Variants in AKAP11 observed in about 807,000 individuals in gnomAD.
The protein encoded by AKAP11 is A-kinase anchoring protein 11.
A neutral mutation model predicts 146.1 loss-of-function variants in AKAP11; 36 were observed. The ratio of observed to expected loss-of-function variants is 0.25; its 90% CI spans 0.19 to 0.33. AKAP11 has a LOEUF of 0.33. AKAP11 is among the 10% of genes least tolerant of loss of function. The pLI is 1.00. For synonymous variants in AKAP11, 780 were observed against 786.5 expected (o/e 0.99, Z 0.14); for missense variants, 2,201 against 2,197.0 (o/e 1.00, Z -0.04).
intron 3 of AKAP11, among the ~76,000 whole-genome samples, chr13:42,289,528 A>T (rs1467086954): frequency 1.3e-5 from 2 of 152,142 alleles, no homozygotes; most frequent in Non-Finnish European, 2.9e-5. Flanking sequence ...GAGCCCCTCC[A>T]AGTAGGTACC....
chr13:42,299,439 T>A lies in AKAP11; in HGVS notation c.693T>A (p.His231Gln), dbSNP rs754992157. 6.2e-7 allele frequency: 1 copy of A among 1,613,896 alleles called. No individual in the cohort carries two copies. Among genetic ancestry groups the A allele is most frequent in the Non-Finnish European group, 8.5e-7 (1 of 1,179,828 alleles). ...QTVTGHHLET[H>Q]DLKILISSGQ... The stretch of plus-strand genomic sequence containing the variant: ...TTACTGGTCATCATTTAGAAACCCA[T>A]GATTTAAAGATTCTCATTAGCTCTG... Residue 231 changes from histidine to glutamine, a missense_variant, in exon 8 of 13, where the codon CAT becomes CAA. Coordinates refer to ENST00000025301, the MANE Select transcript of AKAP11 (RefSeq NM_016248.4).
chr13:42,301,468 A>G lies in AKAP11; in HGVS notation c.2722A>G (p.Thr908Ala), dbSNP rs752134650. Residue 908 changes from threonine to alanine, a missense_variant, in exon 8 of 13, where the codon ACT becomes GCT. By Grantham distance (58) the Thr-to-Ala change is moderately conservative (BLOSUM62 0). Transcript: ENST00000025301. ...KMVDERTDYL[T>A]KSLKEKTPPF... is the part of the protein sequence containing the mutation. Reference sequence around the variant, plus strand: ...GGTTGATGAACGTACAGATTATTTAACTAAATCTTTAAAGGAGAAAACCCC... The same window carrying G: ...GGTTGATGAACGTACAGATTATTTAGCTAAATCTTTAAAGGAGAAAACCCC... 1 of 1,613,386 alleles carries G rather than the reference A, an allele frequency of 6.2e-7. No individual in the cohort carries two copies. The highest frequency in any genetic ancestry group is 1.1e-5 in the South Asian group (1 of 90,814).
intron 4 of AKAP11, among the ~76,000 whole-genome samples, chr13:42,295,060 ATGG>A (rs1348940822): frequency 6.6e-6 from 1 of 152,192 alleles, no homozygotes; most frequent in African/African-American, 2.4e-5. Flanking sequence ...AAGGAAATAA[ATGG>A]TGGTATCACA....
At chr13:42,277,303 T>A in intron 1 of AKAP11, among the ~76,000 whole-genome samples, 1 of 152,236 alleles carries the variant, frequency 6.6e-6, no homozygotes, top group East Asian at 1.9e-4. Flanking sequence ...TTTTTTATTA[T>A]GAAAATGTTA....
Position 42,298,776 on chromosome 13 carries a change from A to G in AKAP11, c.595A>G (p.Thr199Ala), listed in dbSNP as rs1479061120. 1 of 1,580,052 alleles carries G rather than the reference A, an allele frequency of 6.3e-7. No individual in the cohort carries two copies. Among genetic ancestry groups the G allele is most frequent in the Non-Finnish European group, 8.5e-7 (1 of 1,170,398 alleles). Reference protein sequence around the residue: ...TAFEHLEEEETSKPYNDGMNI... With the variant: ...TAFEHLEEEEASKPYNDGMNI... Reference sequence around the variant, plus strand: ...TTTTGAGCACTTAGAAGAGGAAGAGACTTCAAAGCCATACAATGATGGTTT... The same window carrying G: ...TTTTGAGCACTTAGAAGAGGAAGAGGCTTCAAAGCCATACAATGATGGTTT... The change falls in exon 7 of 13, where the codon ACT becomes GCT. Residue 199 changes from threonine (T) to alanine (A), a missense_variant. This residue lies in a region of AKAP11 where 331 missense variants were observed against 347.4 expected (regional missense o/e 0.95). Coordinates refer to ENST00000025301, the MANE Select transcript of AKAP11 (RefSeq NM_016248.4).
At position 42,300,050 on chromosome 13, in the gene AKAP11, G is replaced by C. The variant is rs1239904915; in HGVS notation, c.1304G>C (p.Arg435Pro). The C allele has an allele frequency of 4.3e-6, 7 of 1,613,766 alleles. No individual in the cohort carries two copies. The highest frequency in any genetic ancestry group is 5.1e-6 in the Non-Finnish European group (6 of 1,179,830). Reference protein sequence around the residue: ...GNLCDAPDSPRPVKASREDSG... With the variant: ...GNLCDAPDSPPPVKASREDSG... ...CTGTGTGATGCTCCGGATTCTCCTCGCCCAGTGAAGGCATCAAGGGAAGAT... is the reference window on the plus strand; with the variant it reads ...CTGTGTGATGCTCCGGATTCTCCTCCCCCAGTGAAGGCATCAAGGGAAGAT... Residue 435 changes from arginine (R) to proline (P), a missense_variant, in exon 8 of 13, where the codon CGC becomes CCC. Arg to Pro is a moderately radical substitution (Grantham distance 103). Transcript: ENST00000025301.
At chr13:42,295,363 G>A (rs1171773244) in intron 4 of AKAP11, among the ~76,000 whole-genome samples, 1 of 152,188 alleles carries the variant, frequency 6.6e-6, no homozygotes, top group Non-Finnish European at 1.5e-5. Flanking sequence ...GAATAGGGAG[G>A]TGGCATGGTA....
At position 42,303,145 on chromosome 13, in the gene AKAP11, A is replaced by G; in HGVS notation, c.4399A>G (p.Lys1467Glu). Residue 1467 changes from lysine to glutamate, a missense_variant, in exon 8 of 13, where the codon AAA becomes GAA. Physicochemically the swap from Lys to Glu is moderately conservative, Grantham distance 56 (BLOSUM62 1). Around this residue, in one of 3 missense-constraint regions of AKAP11, gnomAD observed 1,867 missense variants for 1,833.5 expected, o/e 1.02. Coordinates refer to ENST00000025301, the MANE Select transcript of AKAP11 (RefSeq NM_016248.4). ...FSTSLVHSIT[K>E]DAKEELTASL... Reference sequence around the variant, plus strand: ...AACCTCTCTGGTTCACAGCATAACAAAAGATGCTAAGGAAGAGTTGACAGC... The same window carrying G: ...AACCTCTCTGGTTCACAGCATAACAGAAGATGCTAAGGAAGAGTTGACAGC... 1 of 1,614,194 alleles carries G rather than the reference A, an allele frequency of 6.2e-7. No individual in the cohort carries two copies. The highest frequency in any genetic ancestry group is 8.5e-7 in the Non-Finnish European group (1 of 1,180,030).
chr13:42,291,063 T>C (rs1191100934), intron 3 of AKAP11, among the ~76,000 whole-genome samples: 1 of 152,232 alleles, frequency 6.6e-6, no homozygotes, highest in Non-Finnish European at 1.5e-5. Flanking sequence ...CTTTTTATCA[T>C]AAATTCTTTG....
intron 1 of AKAP11, among the ~76,000 whole-genome samples, chr13:42,278,297 T>C (rs1958976303): frequency 1.3e-5 from 2 of 152,228 alleles, no homozygotes; most frequent in Non-Finnish European, 2.9e-5. Context: ...TTGACTGTTG[T>C]TTTGAAAAAC....
In AKAP11 at chr13:42,298,626, G is replaced by A; in HGVS notation, c.445G>A (p.Ala149Thr). ...TATCTTTAGTCTCCTAAGTAAATAT[G>A]CTACTGGTATAAGGTACACCTTGGA... ...DFIFSLLSKYATGIRYTLDTF... is the reference protein window; with the variant it reads ...DFIFSLLSKYTTGIRYTLDTF... The change falls in exon 7 of 13, where the codon GCT becomes ACT. Residue 149 changes from alanine (A) to threonine (T), a missense_variant. By Grantham distance (58) the Ala-to-Thr change is moderately conservative. Coordinates refer to ENST00000025301, the MANE Select transcript of AKAP11 (RefSeq NM_016248.4). The A allele has an allele frequency of 1.2e-6, 2 of 1,612,204 alleles. No individual in the cohort carries two copies. Among genetic ancestry groups the A allele is most frequent in the African/African-American group, 1.3e-5 (1 of 74,902 alleles).
chr13:42,308,634 G>A (rs1331274570), intron 9 of AKAP11, 25 bp downstream of exon 9: 2 of 1,584,504 alleles, frequency 1.3e-6, no homozygotes, highest in Admixed American at 3.4e-5. Flanking sequence ...GCATATAATT[G>A]TGTAGTTTAG....
rs2138746804 is a variant in AKAP11 at position 42,321,299 on chromosome 13, GTT to G, written c.*2073_*2074del. ...TTTGTGTTTGAAAATGTTTATTTCTGTTTATGGTGTAATCATTCTGAGGTGAG... is the reference window on the plus strand; with the variant it reads ...TTTGTGTTTGAAAATGTTTATTTCTGTATGGTGTAATCATTCTGAGGTGAG... On this transcript the variant is annotated 3_prime_UTR_variant, in exon 13 of 13. Transcript: ENST00000025301. The G allele has an allele frequency of 6.6e-6, 1 of 152,370 alleles. No individual in the cohort carries two copies. The highest frequency in any genetic ancestry group is 1.5e-5 in the Non-Finnish European group (1 of 67,990). The allele number at this position is 152,370 out of a possible 1,614,324, so 9.4% of individuals were successfully genotyped here. A position where few individuals can be genotyped will look rare whatever the true frequency, so the allele number is the denominator to read the frequency against.
rs116080843 is a variant in AKAP11 at position 42,277,653 on chromosome 13, G to A, written c.-100+5425G>A. ...GGTAAGTGGCCCTATTTTCTATTTG[G>A]TGATGTTGCTTTTGCCACCAAATGC... is the stretch of plus-strand genomic sequence containing the variant. On this transcript the variant is annotated intron_variant, in intron 1 of 12. Transcript: ENST00000025301. Among the ~76,000 whole-genome samples the A allele has an allele frequency of 9.4e-3, 1,424 of 152,292 alleles. 25 individuals are homozygous for A. Among genetic ancestry groups the A allele is most frequent in the African/African-American group, 0.032 (1,327 of 41,562 alleles).
In AKAP11 at chr13:42,319,760, T is replaced by G. The variant is rs1161446545; in HGVS notation, c.*532T>G. ...ATTTTCATATTTCATAGATCAGCTATTGGTAGCTTTTTGATTTCCCCAAAC... is the reference window on the plus strand; with the variant it reads ...ATTTTCATATTTCATAGATCAGCTAGTGGTAGCTTTTTGATTTCCCCAAAC... On this transcript the variant is annotated 3_prime_UTR_variant, in exon 13 of 13. Transcript: ENST00000025301. 6.6e-6 allele frequency: 1 copy of G among 152,432 alleles called. No individual in the cohort carries two copies. Among genetic ancestry groups the G allele is most frequent in the Admixed American group, 6.5e-5 (1 of 15,276 alleles). 9.4% of individuals were successfully genotyped at this position (152,432 alleles called of 1,614,324 possible).
rs80077239 is a variant in AKAP11 at position 42,289,820 on chromosome 13, C to G, written c.52-2565C>G. Among the ~76,000 whole-genome samples, 646 of 152,148 alleles carry G rather than the reference C, an allele frequency of 4.2e-3. 13 individuals carry two copies. In the East Asian group the frequency reaches 0.046, roughly 11 times the overall value. ...CCTGTTTCTAAATTAGTGTGAAAATCCCCGTTTATTAAGGAAAACAAAATT... is the reference window on the plus strand; with the variant it reads ...CCTGTTTCTAAATTAGTGTGAAAATGCCCGTTTATTAAGGAAAACAAAATT... On this transcript the variant is annotated intron_variant, in intron 3 of 12. Transcript: ENST00000025301.
At chr13:42,272,790 ACT>A (rs1427729723) in intron 1 of AKAP11, among the ~76,000 whole-genome samples, 1 of 152,010 alleles carries the variant, frequency 6.6e-6, no homozygotes, top group South Asian at 2.1e-4. Context: ...GCTGTCAAAT[ACT>A]CTCCTAGGCT....
intron 4 of AKAP11, 102 bp from the exon 5 acceptor site, chr13:42,295,593 C>G (rs1056977919): frequency 1.4e-5 from 15 of 1,103,446 alleles, no homozygotes; most frequent in Non-Finnish European, 2.0e-5. Context: ...AAGCAGACAG[C>G]ATTTTAATGC....
chr13:42,277,516 A>G (rs189440151), intron 1 of AKAP11, among the ~76,000 whole-genome samples: 175 of 152,372 alleles, frequency 1.1e-3, no homozygotes, highest in Non-Finnish European at 2.1e-3. Flanking sequence ...CCTTATAAGT[A>G]GATCTCAATC....
Sources: allele counts gnomAD v4.1 joint callset (sites outside exome capture counted in the v4.1 genomes callset), GRCh38; gene constraint gnomAD v4.1.1; regional missense constraint gnomAD v4.1.1; transcripts MANE v1.5; gene names NCBI Gene and HGNC (gene_info 2026-07-23, HGNC 2026-07-21).